SPAG16: variants seen among roughly 807,000 people sequenced by gnomAD.
The protein encoded by SPAG16 is sperm-associated antigen 16 protein.
Under a neutral mutation model 80.4 loss-of-function variants are expected in SPAG16, and 86 were observed. The observed-to-expected ratio is 1.07, with a 90% CI of 0.90 to 1.28. SPAG16 has a LOEUF of 1.28. Among genes scored for constraint, SPAG16 ranks in the 50% most tolerant of loss-of-function variants. The pLI is 0.00. For missense variants in SPAG16, 870 were observed against 765.3 expected (o/e 1.14, Z -1.61); for synonymous variants, 294 against 265.9 (o/e 1.11, Z -1.03).
intron 15 of SPAG16, among the ~76,000 whole-genome samples, chr2:214,271,850 C>G (rs1692043535): frequency 1.4e-5 from 2 of 144,416 alleles, no homozygotes; most frequent in African/African-American, 5.2e-5. Flanking sequence ...AAACCCCCCC[C>G]CCAAAAAAAA....
At chr2:214,352,899 G>A (rs1166546036) in intron 15 of SPAG16, among the ~76,000 whole-genome samples, 1 of 151,982 alleles carries the variant, frequency 6.6e-6, no homozygotes, top group Non-Finnish European at 1.5e-5. Flanking sequence ...TTTACAGAGA[G>A]ACCTTACACA....
intron 7 of SPAG16, among the ~76,000 whole-genome samples, chr2:213,355,592 T>C (rs991119869): frequency 6.6e-6 from 1 of 152,218 alleles, no homozygotes; most frequent in African/African-American, 2.4e-5. Context: ...CCCTTGTAAG[T>C]TGGATTCCTA....
intron 7 of SPAG16, among the ~76,000 whole-genome samples, chr2:213,353,133 A>T (rs763811943): frequency 2.6e-4 from 39 of 152,220 alleles, no homozygotes; most frequent in Non-Finnish European, 4.9e-4. Context: ...GTGTCCAGGT[A>T]CATGAAACCT....
intron 13 of SPAG16, among the ~76,000 whole-genome samples, chr2:214,095,347 T>C (rs1305343880): frequency 6.6e-6 from 1 of 151,864 alleles, no homozygotes; most frequent in African/African-American, 2.4e-5. Flanking sequence ...CTACTAACCC[T>C]TTCATATGCT....
At chr2:213,364,439 C>G (rs2066166191) in intron 8 of SPAG16, 1 of 173,992 alleles carries the variant, frequency 5.7e-6, no homozygotes, top group Admixed American at 6.3e-5. Flanking sequence ...GATCAGACAA[C>G]TACTTTTAGG....
intron 15 of SPAG16, chr2:214,240,040 T>C (rs1390966209): frequency 1.3e-5 from 2 of 152,090 alleles, no homozygotes; most frequent in Non-Finnish European, 2.9e-5. Context: ...CTATGTGAGG[T>C]GGTCATTAAA....
At chr2:213,758,111 C>G (rs1322333733) in intron 10 of SPAG16, 1 of 150,858 alleles carries the variant, frequency 6.6e-6, no homozygotes, top group Admixed American at 6.6e-5. Flanking sequence ...TGTGCCTTGC[C>G]TTTCCTTTGG....
At chr2:213,737,196 A>G (rs969235039) in intron 10 of SPAG16, among the ~76,000 whole-genome samples, 2 of 152,214 alleles carry the variant, frequency 1.3e-5, no homozygotes, top group Non-Finnish European at 2.9e-5. Context: ...TCTAGAAAAA[A>G]TTATGATATA....
intron 13 of SPAG16, among the ~76,000 whole-genome samples, chr2:214,092,641 A>G (rs1164722923): frequency 1.3e-5 from 2 of 151,984 alleles, no homozygotes; most frequent in Non-Finnish European, 2.9e-5. Context: ...AAATTTTGAT[A>G]ATTAACTTAT....
chr2:214,374,488 A>C (rs1700010268), intron 15 of SPAG16, among the ~76,000 whole-genome samples: 1 of 152,224 alleles, frequency 6.6e-6, no homozygotes, highest in Non-Finnish European at 1.5e-5. Context: ...ATCCTTTACC[A>C]GCTGATACCT....
intron 10 of SPAG16, among the ~76,000 whole-genome samples, chr2:213,773,447 A>G (rs953745079): frequency 6.6e-6 from 1 of 152,224 alleles, no homozygotes. Context: ...TGTAACTAGT[A>G]TATCCATCAC....
intron 10 of SPAG16, among the ~76,000 whole-genome samples, chr2:213,846,470 A>T (rs2074632157): frequency 6.6e-6 from 1 of 152,052 alleles, no homozygotes; most frequent in African/African-American, 2.4e-5. Flanking sequence ...TTTCCGACTC[A>T]ATTACAGTGT....
intron 14 of SPAG16, among the ~76,000 whole-genome samples, chr2:214,144,884 T>G (rs1032502535): frequency 1.3e-5 from 2 of 152,074 alleles, no homozygotes; most frequent in African/African-American, 2.4e-5. Flanking sequence ...GACCTGAGTC[T>G]TCCAAAATAG....
rs150879440 is a variant in SPAG16 at position 214,374,929 on chromosome 2, A to G, written c.1721-35211A>G. ...ATGGAGATGTGGTCTGCATGATTCA[A>G]TATCCTCAACTATTCATCTCAGTCC... On this transcript the variant is annotated intron_variant, in intron 15 of 15. Transcript: ENST00000331683. 1.7e-3 allele frequency among the ~76,000 whole-genome samples: 264 copies of G among 152,262 alleles called. 1 individual carries two copies. Among genetic ancestry groups the G allele is most frequent in the African/African-American group, 6.2e-3 (256 of 41,568 alleles).
intron 9 of SPAG16, among the ~76,000 whole-genome samples, chr2:213,393,644 C>T (rs184954625): frequency 8.9e-4 from 135 of 152,048 alleles, no homozygotes; most frequent in African/African-American, 3.2e-3. Flanking sequence ...AGGACACAAA[C>T]CTAGGGGTGG....
intron 10 of SPAG16, among the ~76,000 whole-genome samples, chr2:213,700,449 A>G (rs1471288364): frequency 6.6e-6 from 1 of 152,142 alleles, no homozygotes; most frequent in Non-Finnish European, 1.5e-5. Context: ...TTTTGCTGTA[A>G]TGATGAATAT....
intron 1 of SPAG16, among the ~76,000 whole-genome samples, chr2:213,289,048 T>G (rs2126049414): frequency 6.6e-6 from 1 of 152,366 alleles, no homozygotes; most frequent in Middle Eastern, 3.4e-3. Context: ...TGTCCTTTAG[T>G]CAGGCGTTAA....
chr2:213,886,183 C>A (rs2076547264), intron 11 of SPAG16, among the ~76,000 whole-genome samples: 1 of 152,016 alleles, frequency 6.6e-6, no homozygotes, highest in Non-Finnish European at 1.5e-5. Flanking sequence ...TACAGTCAAA[C>A]AAGGTAGGTC....
intron 15 of SPAG16, among the ~76,000 whole-genome samples, chr2:214,242,592 A>C (rs900494247): frequency 1.3e-5 from 2 of 152,062 alleles, no homozygotes; most frequent in African/African-American, 4.8e-5. Context: ...AAAAATAAGA[A>C]AAAAATATTG....
Sources: allele counts gnomAD v4.1 joint callset (sites outside exome capture counted in the v4.1 genomes callset), GRCh38; gene constraint gnomAD v4.1.1; transcripts MANE v1.5; gene names NCBI Gene and HGNC (gene_info 2026-07-23, HGNC 2026-07-21).